SEPTIN4: variants seen among roughly 807,000 people sequenced by gnomAD.
The protein encoded by SEPTIN4 is septin-4.
In SEPTIN4, 52 loss-of-function variants were observed where a neutral mutation model predicts 107.1. The ratio of observed to expected loss-of-function variants is 0.49; its 90% confidence interval spans 0.39 to 0.61. The LOEUF (loss-of-function observed/expected upper bound fraction) is 0.61, where lower values mean the gene tolerates loss of function less well. SEPTIN4 is among the 20% of genes least tolerant of loss of function. The pLI, the probability that SEPTIN4 is intolerant of heterozygous loss-of-function variation, is 0.00. For synonymous variants in SEPTIN4, 417 were observed against 467.0 expected (o/e 0.89, Z 1.38); for missense variants, 1,048 against 1,243.5 (o/e 0.84, Z 2.36).
chr17:58,528,085 C>G, intron 3 of SEPTIN4: 1 of 964,860 alleles, frequency 1.0e-6, no homozygotes, highest in Non-Finnish European at 1.2e-6. Context: ...CCACGTGCCA[C>G]CCCCAGACAA....
chr17:58,536,239 A>T (rs2043706502), intron 3 of SEPTIN4, among the ~76,000 whole-genome samples: 1 of 152,224 alleles, frequency 6.6e-6, no homozygotes, highest in Non-Finnish European at 1.5e-5. Context: ...ATCCACTCAT[A>T]GGTTACTATG....
In SEPTIN4 at chr17:58,538,966, C is replaced by G. The variant is rs558135017; in HGVS notation, c.1614+1700G>C. ...ACTCTATGGTCAACCATTCCCAGAT[C>G]AGAGGAATCAGAGGCCTTGGACACC... On this transcript the variant is annotated intron_variant, in intron 3 of 13. Transcript: ENST00000672673. The surrounding 1 kb of genome is among the most constrained non-coding windows in gnomAD (Gnocchi z 4.7). 1 of 502,882 alleles carries G rather than the reference C, an allele frequency of 2.0e-6. No individual in the cohort carries two copies. Among genetic ancestry groups the G allele is most frequent in the African/African-American group, 2.0e-5 (1 of 50,896 alleles). The allele number at this position is 502,882 out of a possible 1,614,324, so 31.2% of individuals were successfully genotyped here. A position where few individuals can be genotyped will look rare whatever the true frequency, so the allele number is the denominator to read the frequency against.
chr17:58,532,059 C>A, intron 3 of SEPTIN4: 1 of 1,112,518 alleles, frequency 9.0e-7, no homozygotes, highest in African/African-American at 1.7e-5. Flanking sequence ...CGTCACCCTC[C>A]CGCCTCCCCG....
intron 2 of SEPTIN4, among the ~76,000 whole-genome samples, chr17:58,541,159 T>A (rs538096873): frequency 1.3e-5 from 2 of 152,296 alleles, no homozygotes; most frequent in African/African-American, 4.8e-5. Flanking sequence ...CTGGTTGGGA[T>A]TGGATGGAAT....
At chr17:58,534,559 A>C (rs2009948) in intron 3 of SEPTIN4, among the ~76,000 whole-genome samples, 55,304 of 152,206 alleles carry the variant, frequency 0.36, 10,420 homozygotes, top group East Asian at 0.51. Context: ...TGGCCTGGCC[A>C]ACTCTGCTTC....
At position 58,521,312 on chromosome 17, in the gene SEPTIN4, TAC is replaced by T; in HGVS notation, c.2608_2609del (p.Val870SerfsTer53). The part of the protein sequence containing the change: ...IPFAVIGSNT[V>X]VEARGRRVRG... The stretch of plus-strand genomic sequence containing the variant: ...GAACTCGCCGCCCTCTGGCCTCTAC[TAC>T]AGTGTTGCTGCCAATTACTGCAAAT... On this transcript the variant is annotated frameshift_variant, in exon 11 of 14. Coordinates refer to ENST00000672673, the MANE Select transcript of SEPTIN4 (RefSeq NM_001368771.2). LOFTEE classifies it high-confidence loss of function. The surrounding 1 kb of genome is among the most constrained non-coding windows in gnomAD (Gnocchi z 6.4). 1 of 1,614,198 alleles carries T rather than the reference TAC, an allele frequency of 6.2e-7. No homozygotes were observed. Among genetic ancestry groups the T allele is most frequent in the Non-Finnish European group, 8.5e-7 (1 of 1,180,024 alleles).
At chr17:58,537,903 A>G (rs1240742387) in intron 3 of SEPTIN4, among the ~76,000 whole-genome samples, 2 of 151,440 alleles carry the variant, frequency 1.3e-5, no homozygotes, top group African/African-American at 2.4e-5. Flanking sequence ...TCTTTCAACA[A>G]TTCTTTCTTC....
intron 3 of SEPTIN4, among the ~76,000 whole-genome samples, chr17:58,537,734 G>C (rs1286764135): frequency 6.6e-6 from 1 of 150,976 alleles, no homozygotes; most frequent in African/African-American, 2.4e-5. Context: ...GGAGGCTGAG[G>C]CAGGAGAATC....
intron 3 of SEPTIN4, chr17:58,531,790 G>A (rs537749706): frequency 1.3e-5 from 7 of 549,284 alleles, no homozygotes; most frequent in Middle Eastern, 7.7e-4. Flanking sequence ...GAGCAGCGAC[G>A]CACCGCCGCC....
intron 3 of SEPTIN4, chr17:58,529,563 T>C (rs1048111297): frequency 4.5e-6 from 2 of 442,230 alleles, no homozygotes; most frequent in Non-Finnish European, 6.0e-6. Context: ...CCATTTGACC[T>C]CTCCTGTTAA....
chr17:58,520,901 C>G (rs1248616744), intron 12 of SEPTIN4, 59 bp from the exon 13 acceptor site: 1 of 1,612,942 alleles, frequency 6.2e-7, no homozygotes, highest in Non-Finnish European at 8.5e-7. Context: ...TTAGATTGAG[C>G]CCAGGGCCTA....
chr17:58,525,441 T>A, intron 6 of SEPTIN4: 1 of 619,458 alleles, frequency 1.6e-6, no homozygotes, highest in Non-Finnish European at 2.8e-6. Context: ...GGTTTTTTTC[T>A]TGGATTCCTG....
intron 3 of SEPTIN4, chr17:58,530,885 A>G (rs1052559148): frequency 6.6e-6 from 1 of 152,292 alleles, no homozygotes; most frequent in African/African-American, 2.4e-5. Flanking sequence ...CAAGAGCCCA[A>G]AAGGTTGGCC....
Position 58,543,745 on chromosome 17 carries a change from A to G in SEPTIN4, c.442T>C (p.Ser148Pro). 6.2e-7 allele frequency: 1 copy of G among 1,614,202 alleles called. No individual in the cohort carries two copies. Residue 148 changes from serine (S) to proline (P), a missense_variant, in exon 1 of 14, where the codon TCA becomes CCA. By Grantham distance (74) the Ser-to-Pro change is moderately conservative. Around this residue, in one of 2 missense-constraint regions of SEPTIN4, gnomAD observed 787 missense variants for 871.8 expected, o/e 0.90. Transcript: ENST00000672673. ...KSGREVGHHA[S>P]SIPDAKSTHQ... is the part of the protein sequence containing the mutation. ...GTAGATTTGGCATCTGGGATTGATGAAGCATGATGGCCGACCTCGCGCCCT... is the reference window on the plus strand; with the variant it reads ...GTAGATTTGGCATCTGGGATTGATGGAGCATGATGGCCGACCTCGCGCCCT...
chr17:58,541,578 C>T (rs1052160860), intron 2 of SEPTIN4: 1 of 475,284 alleles, frequency 2.1e-6, no homozygotes, highest in Middle Eastern at 5.9e-4. Flanking sequence ...CAACTCTGAG[C>T]AAGACTGTGA....
In SEPTIN4 at chr17:58,521,057, G is replaced by T. The variant is rs1238898430; in HGVS notation, c.2772C>A (p.Asn924Lys). Residue 924 changes from asparagine (N) to lysine (K), a missense_variant, in exon 12 of 14, where the codon AAC (asparagine) becomes AAA (lysine). Physicochemically the swap from Asn to Lys is moderately conservative, Grantham distance 94 (BLOSUM62 0). Around this residue, in one of 2 missense-constraint regions of SEPTIN4, gnomAD observed 261 missense variants for 371.7 expected, o/e 0.70. Coordinates refer to ENST00000672673, the MANE Select transcript of SEPTIN4 (RefSeq NM_001368771.2). This position sits in a 1 kb window ranked among gnomAD's most constrained non-coding sequence, Gnocchi z 6.4. ...KDVTRETHYE[N>K]YRAQCIQSMT... ...TGCTCTGGATGCACTGTGCCCGGTA[G>T]TTCTCATAATGTGTCTCCCGTGTCA... 6.2e-7 allele frequency: 1 copy of T among 1,614,090 alleles called. No homozygotes were observed.
Position 58,520,437 on chromosome 17 carries a change from CCTT to C in SEPTIN4, c.2977_2979del (p.Lys993del), listed in dbSNP as rs2042135395. 1 of 1,613,144 alleles carries C rather than the reference CCTT, an allele frequency of 6.2e-7. No individual in the cohort carries two copies. Among genetic ancestry groups the C allele is most frequent in the Non-Finnish European group, 8.5e-7 (1 of 1,180,026 alleles). On this transcript the variant is annotated inframe_deletion, in exon 14 of 14. Coordinates refer to ENST00000672673, the MANE Select transcript of SEPTIN4 (RefSeq NM_001368771.2). ...GGGCTGAAAGCCAGTTAATAGTTCT[CCTT>C]CATCTGTTTTTGTATTTTGTGTAGC...
chr17:58,539,766 A>G (rs1294055579), intron 3 of SEPTIN4, among the ~76,000 whole-genome samples: 1 of 152,036 alleles, frequency 6.6e-6, no homozygotes, highest in Non-Finnish European at 1.5e-5. Flanking sequence ...GAGGGAAGGA[A>G]GGAAGGGAGA....
intron 3 of SEPTIN4, chr17:58,532,161 CGCGAAGT>C: frequency 9.9e-7 from 1 of 1,008,302 alleles, no homozygotes; most frequent in Non-Finnish European, 1.2e-6. Flanking sequence ...GCGGTGCCGG[CGCGAAGT>C]GGGTCGGGGT....
Sources: gnomAD v4.1 joint callset for allele counts (sites outside exome capture counted in the v4.1 genomes callset) on GRCh38, gnomAD v4.1.1 for gene constraint, gnomAD v4.1.1 regional missense constraint, Gnocchi (gnomAD v3.1) non-coding constraint, MANE v1.5 for transcripts, NCBI Gene and HGNC (gene_info 2026-07-23, HGNC 2026-07-21) for gene names.